The following LOC400499 variants were observed in gnomAD, a reference collection of about 807,000 sequenced individuals.
chr16:11,410,006 G>A, the LOC400499 span, among the ~76,000 whole-genome samples: 2 of 152,198 alleles, frequency 1.3e-5, no homozygotes, highest in African/African-American at 2.4e-5. Context: ...GGAGCCAGGT[G>A]TGGTGGTACC....
the LOC400499 span, among the ~76,000 whole-genome samples, chr16:11,407,891 G>T: frequency 6.6e-6 from 1 of 151,326 alleles, no homozygotes; most frequent in African/African-American, 2.4e-5. Flanking sequence ...CACTGCGGGG[G>T]AACTTATTAA....
At chr16:11,499,817 G>A in the LOC400499 span, among the ~76,000 whole-genome samples, 3 of 152,160 alleles carry the variant, frequency 2.0e-5, no homozygotes, top group Admixed American at 6.5e-5. Context: ...GGGAGTGACA[G>A]GTGACACCCC....
chr16:11,410,386 G>T, the LOC400499 span, among the ~76,000 whole-genome samples: 1 of 152,092 alleles, frequency 6.6e-6, no homozygotes, highest in African/African-American at 2.4e-5. Context: ...CCGGGGAGGC[G>T]GAGGTTGCAG....
chr16:11,512,266 A>G, the LOC400499 span, among the ~76,000 whole-genome samples: 1 of 151,890 alleles, frequency 6.6e-6, no homozygotes, highest in Non-Finnish European at 1.5e-5. Flanking sequence ...TGGGCAACAG[A>G]GCCAGATTCC....
At chr16:11,482,527 C>T in the LOC400499 span, among the ~76,000 whole-genome samples, 2,031 of 152,206 alleles carry the variant, frequency 0.013, 36 homozygotes, top group African/African-American at 0.047. Flanking sequence ...TTTTGGAAGA[C>T]ACCATTGAGA....
chr16:11,460,016 G>A, the LOC400499 span: 4 of 1,488,876 alleles, frequency 2.7e-6, no homozygotes, highest in African/African-American at 2.8e-5. Flanking sequence ...CCAGCTGTGA[G>A]TGCAGGTGGC....
At chr16:11,444,950 G>T in the LOC400499 span, among the ~76,000 whole-genome samples, 1 of 152,134 alleles carries the variant, frequency 6.6e-6, no homozygotes, top group Admixed American at 6.6e-5. Flanking sequence ...ACCAGGTGTG[G>T]TGGTAATGTG....
the LOC400499 span, among the ~76,000 whole-genome samples, chr16:11,487,737 G>A: frequency 2.0e-5 from 3 of 146,600 alleles, no homozygotes; most frequent in African/African-American, 7.6e-5. Flanking sequence ...TCAGTGTGGG[G>A]CTAATCTCTT....
the LOC400499 span, chr16:11,392,884 C>T: frequency 0.18 from 143,236 of 783,550 alleles, 13,472 homozygotes; most frequent in African/African-American, 0.27. Context: ...GACAGAGTCT[C>T]GCTCTGTCGC....
chr16:11,476,201 A>C, the LOC400499 span, among the ~76,000 whole-genome samples: 2 of 151,764 alleles, frequency 1.3e-5, no homozygotes, highest in African/African-American at 4.9e-5. Flanking sequence ...AGATGCGAGG[A>C]GGGAGGAGGG....
At chr16:11,481,709 G>T in the LOC400499 span, among the ~76,000 whole-genome samples, 12 of 151,622 alleles carry the variant, frequency 7.9e-5, no homozygotes, top group African/African-American at 2.9e-4. Flanking sequence ...CTTGGCTCTC[G>T]GCAACCCCTG....
the LOC400499 span, among the ~76,000 whole-genome samples, chr16:11,501,228 G>C: frequency 3.9e-5 from 6 of 152,094 alleles, no homozygotes; most frequent in African/African-American, 1.4e-4. Flanking sequence ...TCCGTACCCA[G>C]TGCTCTGCTG....
At chr16:11,447,500 ATGC>A in the LOC400499 span, among the ~76,000 whole-genome samples, 2 of 152,160 alleles carry the variant, frequency 1.3e-5, no homozygotes, top group Non-Finnish European at 2.9e-5. Flanking sequence ...TCTGCCAACG[ATGC>A]TGCTGTTCCT....
chr16:11,417,700 T>C, the LOC400499 span: 4 of 399,148 alleles, frequency 1.0e-5, no homozygotes, highest in Non-Finnish European at 1.3e-5. Context: ...AGCCTCACTG[T>C]TGTGCCAGCT....
the LOC400499 span, among the ~76,000 whole-genome samples, chr16:11,441,720 C>T: frequency 0.48 from 73,285 of 151,878 alleles, 17,908 homozygotes; most frequent in South Asian, 0.6. Context: ...GAAGATGCCA[C>T]GCTGTTGGCT....
the LOC400499 span, among the ~76,000 whole-genome samples, chr16:11,488,236 A>T: frequency 6.6e-6 from 1 of 152,132 alleles, no homozygotes; most frequent in Non-Finnish European, 1.5e-5. Flanking sequence ...GTGATAGACA[A>T]TTTCCTCTTT....
At chr16:11,457,894 A>G in the LOC400499 span, among the ~76,000 whole-genome samples, 1 of 152,092 alleles carries the variant, frequency 6.6e-6, no homozygotes, top group Non-Finnish European at 1.5e-5. Flanking sequence ...CATGCTAAGT[A>G]AAATAAGCCA....
the LOC400499 span, chr16:11,407,441 C>T: frequency 5.1e-6 from 2 of 396,008 alleles, no homozygotes; most frequent in African/African-American, 2.1e-5. Flanking sequence ...GAGGGCTCTG[C>T]CTCCCAAAGT....
the LOC400499 span, chr16:11,402,292 C>A: frequency 3.0e-4 from 119 of 397,374 alleles, no homozygotes; most frequent in Non-Finnish European, 4.3e-4. Flanking sequence ...GGCCACACAG[C>A]CAGATAATTT....
Sources: gnomAD v4.1 joint callset for allele counts (sites outside exome capture counted in the v4.1 genomes callset) on GRCh38, gnomAD v4.1.1 for gene constraint, MANE v1.5 for transcripts.